Variants in PPP2R2B observed in about 807,000 individuals in gnomAD.
The protein encoded by PPP2R2B is protein phosphatase 2 regulatory subunit Bbeta.
In PPP2R2B, 5 loss-of-function variants were observed where a neutral mutation model predicts 46.0. That is an observed-to-expected ratio of 0.11 (90% confidence interval 0.06 to 0.23). The LOEUF (loss-of-function observed/expected upper bound fraction) is 0.23. Among genes scored for constraint, PPP2R2B ranks in the 10% least tolerant of loss-of-function variants. The pLI is 1.00. For missense variants in PPP2R2B, 367 were observed against 575.0 expected (o/e 0.64, Z 3.70); for synonymous variants, 215 against 206.7 (o/e 1.04, Z -0.34).
At chr5:146,693,212 CTCT>C (rs953700215) in intron 4 of PPP2R2B, among the ~76,000 whole-genome samples, 5 of 150,746 alleles carry the variant, frequency 3.3e-5, no homozygotes, top group Admixed American at 1.3e-4. Flanking sequence ...TTCCCTTCCT[CTCT>C]TCTTCTTTTT....
At chr5:147,000,636 G>A (rs1200309544) in intron 1 of PPP2R2B, among the ~76,000 whole-genome samples, 1 of 82,850 alleles carries the variant, frequency 1.2e-5, no homozygotes, top group Non-Finnish European at 2.4e-5. Flanking sequence ...TAACTATTAG[G>A]TTGGTGCAAA....
intron 8 of PPP2R2B, 42 bp from the exon 9 acceptor site, chr5:146,593,104 A>G: frequency 6.7e-7 from 1 of 1,490,854 alleles, no homozygotes; most frequent in East Asian, 2.3e-5. Context: ...ATTATTTTAA[A>G]CAGTAATTAT....
rs1404368823 is a variant in PPP2R2B at position 146,897,026 on chromosome 5, C to G, written c.79+158639G>C. On this transcript the variant is annotated intron_variant, in intron 1 of 8. Coordinates refer to the PPP2R2B transcript ENST00000336640. ...GAACTGAGCATATATTTGTCATCTCCTTTTCCCAAGATCTCTTTAAAATGA... is the reference window on the plus strand; with the variant it reads ...GAACTGAGCATATATTTGTCATCTCGTTTTCCCAAGATCTCTTTAAAATGA... Among the ~76,000 whole-genome samples the G allele has an allele frequency of 2.0e-5, 3 of 152,134 alleles. No homozygotes were observed. In the East Asian group the frequency reaches 5.8e-4, roughly 29 times the overall value.
intron 1 of PPP2R2B, among the ~76,000 whole-genome samples, chr5:146,995,435 G>A (rs1048732545): frequency 1.3e-5 from 2 of 152,208 alleles, no homozygotes; most frequent in Non-Finnish European, 2.9e-5. Flanking sequence ...TGTAACCACT[G>A]ACAGGCTCTG....
intron 6 of PPP2R2B, among the ~76,000 whole-genome samples, chr5:146,648,638 T>A (rs1023846685): frequency 6.6e-6 from 1 of 152,056 alleles, no homozygotes; most frequent in African/African-American, 2.4e-5. Context: ...AGTAAAAAAA[T>A]TTCAAATCAT....
chr5:146,999,013 CAAAAAAA>C (rs60753702), intron 1 of PPP2R2B, among the ~76,000 whole-genome samples: 24 of 65,298 alleles, frequency 3.7e-4, no homozygotes, highest in African/African-American at 1.4e-3. Context: ...GACTCCATAT[CAAAAAAA>C]AAAAAAAAAA....
At chr5:146,979,651 C>T (rs1753075696) in intron 1 of PPP2R2B, among the ~76,000 whole-genome samples, 1 of 151,882 alleles carries the variant, frequency 6.6e-6, no homozygotes, top group African/African-American at 2.4e-5. Flanking sequence ...CAGTAAATGC[C>T]TGAAACCACA....
At chr5:146,597,353 CTGTTGT>C (rs1732866930) in intron 8 of PPP2R2B, among the ~76,000 whole-genome samples, 1 of 152,158 alleles carries the variant, frequency 6.6e-6, no homozygotes. Context: ...ATCCCTGTTG[CTGTTGT>C]TACCTCCTGT....
Position 146,600,430 on chromosome 5 carries a change from C to T in PPP2R2B, c.821G>A (p.Arg274Lys). Reference protein sequence around the residue: ...FFEEPEDPSNRSFFSEIISSI... With the variant: ...FFEEPEDPSNKSFFSEIISSI... The stretch of plus-strand genomic sequence containing the variant: ...AGAGATAATTTCAGAGAAAAATGAT[C>T]TGTTGCTTGGATCTTCCGGCTCTTC... The change falls in exon 8 of 10, where the codon AGA becomes AAA. Residue 274 changes from arginine (R) to lysine (K), a missense_variant. This residue lies in a region of PPP2R2B where 361 missense variants were observed against 545.5 expected (regional missense o/e 0.66). Coordinates refer to ENST00000394411, the MANE Select transcript of PPP2R2B (RefSeq NM_181675.4). The T allele has an allele frequency of 2.5e-6, 4 of 1,613,856 alleles. No individual in the cohort carries two copies. The highest frequency in any genetic ancestry group is 1.1e-5 in the South Asian group (1 of 91,072).
intron 1 of PPP2R2B, chr5:146,914,259 T>G (rs1252025076): frequency 6.6e-6 from 1 of 152,196 alleles, no homozygotes; most frequent in Non-Finnish European, 1.5e-5. Flanking sequence ...AAAGAAGACC[T>G]TCTATTATGA....
chr5:146,965,042 A>G (rs1443713535), intron 1 of PPP2R2B, among the ~76,000 whole-genome samples: 2 of 152,160 alleles, frequency 1.3e-5, no homozygotes, highest in Non-Finnish European at 2.9e-5. Context: ...ATGGGGCTAC[A>G]CACCAGAACA....
At chr5:147,069,783 C>CTTTTTTTTTT (rs1561611794) in intron 2 of PPP2R2B, among the ~76,000 whole-genome samples, 24 of 48,412 alleles carry the variant, frequency 5.0e-4, no homozygotes, top group African/African-American at 1.9e-3. Flanking sequence ...ACATTTTATA[C>CTTTTTTTTTT]TGTTTTTTTT....
At chr5:146,599,545 T>C (rs896606706) in intron 8 of PPP2R2B, among the ~76,000 whole-genome samples, 1 of 152,190 alleles carries the variant, frequency 6.6e-6, no homozygotes, top group Admixed American at 6.5e-5. Context: ...ATCAGCCCCT[T>C]GCCTCTATCT....
At chr5:147,022,322 G>T (rs1451418894) in intron 1 of PPP2R2B, among the ~76,000 whole-genome samples, 1 of 151,860 alleles carries the variant, frequency 6.6e-6, no homozygotes, top group Non-Finnish European at 1.5e-5. Context: ...CTTGTGGGAG[G>T]TCGAGGTGGG....
chr5:147,027,306 TG>T (rs754730911), intron 1 of PPP2R2B, among the ~76,000 whole-genome samples: 11 of 152,066 alleles, frequency 7.2e-5, no homozygotes, highest in Non-Finnish European at 1.3e-4. Flanking sequence ...CATCTGAAAA[TG>T]GTTAATTTTA....
At chr5:147,019,313 A>G (rs1208807366) in intron 1 of PPP2R2B, among the ~76,000 whole-genome samples, 1 of 152,218 alleles carries the variant, frequency 6.6e-6, no homozygotes. Context: ...GGTCAAGAAA[A>G]GCAAATTAAA....
chr5:147,054,779 T>C (rs1756995164), intron 1 of PPP2R2B: 1 of 443,240 alleles, frequency 2.3e-6, no homozygotes, highest in Non-Finnish European at 4.5e-6. Flanking sequence ...CCCTTTTCAA[T>C]CAAATGCCAC....
intron 2 of PPP2R2B, among the ~76,000 whole-genome samples, chr5:146,810,927 A>T (rs1347078733): frequency 2.8e-3 from 366 of 130,718 alleles, no homozygotes; most frequent in African/African-American, 0.01. Context: ...CCTGTGTCCA[A>T]GTGTTCTCAT....
At chr5:146,999,013 C>CA (rs60753702) in intron 1 of PPP2R2B, among the ~76,000 whole-genome samples, 11,337 of 65,206 alleles carry the variant, frequency 0.17, 1,115 homozygotes, top group East Asian at 0.31. Flanking sequence ...GACTCCATAT[C>CA]AAAAAAAAAA....
Sources: allele counts gnomAD v4.1 joint callset (sites outside exome capture counted in the v4.1 genomes callset), GRCh38; gene constraint gnomAD v4.1.1; regional missense constraint gnomAD v4.1.1; transcripts MANE v1.5; gene names NCBI Gene and HGNC (gene_info 2026-07-23, HGNC 2026-07-21).